The following FAM20B variants were observed in gnomAD, a reference collection of about 807,000 sequenced individuals.
The protein encoded by FAM20B is FAM20B glycosaminoglycan xylosylkinase.
A neutral mutation model predicts 43.8 loss-of-function variants in FAM20B; 23 were observed. The observed-to-expected ratio is 0.53, with a 90% CI of 0.38 to 0.74. The LOEUF (loss-of-function observed/expected upper bound fraction) is 0.74. Among genes scored for constraint, FAM20B ranks in the 30% least tolerant of loss-of-function variants. FAM20B has a pLI of 0.00. For missense variants in FAM20B, 440 were observed against 510.5 expected (o/e 0.86, Z 1.33); for synonymous variants, 178 against 192.4 (o/e 0.93, Z 0.62).
At chr1:179,040,189 C>A (rs550484140) in intron 1 of FAM20B, among the ~76,000 whole-genome samples, 33 of 152,366 alleles carry the variant, frequency 2.2e-4, no homozygotes, top group African/African-American at 7.9e-4. Flanking sequence ...ACCCTTCCCC[C>A]CTTTCTACTC....
intron 7 of FAM20B, among the ~76,000 whole-genome samples, chr1:179,070,098 T>C (rs960058495): frequency 1.4e-4 from 22 of 152,146 alleles, no homozygotes; most frequent in African/African-American, 5.3e-4. Flanking sequence ...CAGGCTGGAG[T>C]GCAGTGGCGC....
At chr1:179,038,782 G>A (rs554870576) in intron 1 of FAM20B, among the ~76,000 whole-genome samples, 1 of 152,348 alleles carries the variant, frequency 6.6e-6, no homozygotes, top group African/African-American at 2.4e-5. Flanking sequence ...TTACATTTTA[G>A]ATGCACTTGA....
chr1:179,036,600 C>T (rs1359547496), intron 1 of FAM20B, among the ~76,000 whole-genome samples: 2 of 152,024 alleles, frequency 1.3e-5, no homozygotes, highest in African/African-American at 4.8e-5. Flanking sequence ...TTGGAAAAGT[C>T]CAGTTTGCAC....
Position 179,071,986 on chromosome 1 carries a change from A to T in FAM20B, c.1072A>T (p.Met358Leu). Residue 358 changes from methionine to leucine, a missense_variant, in exon 8 of 8, where the codon ATG (methionine) becomes TTG (leucine). Coordinates refer to ENST00000263733, the MANE Select transcript of FAM20B (RefSeq NM_014864.4). ...GCTAAAGTCTGCCTTAAAATCTGCC[A>T]TGGCCCATGACCCCATCTCCCCAGT... ...GVLKSALKSA[M>L]AHDPISPVLS... The T allele has an allele frequency of 1.2e-6, 2 of 1,614,168 alleles. No individual in the cohort carries two copies.
intron 4 of FAM20B, among the ~76,000 whole-genome samples, chr1:179,061,717 A>G (rs1214420910): frequency 6.6e-6 from 1 of 152,084 alleles, no homozygotes; most frequent in Non-Finnish European, 1.5e-5. Flanking sequence ...TCATCAAATG[A>G]TGATTTTTTT....
upstream of FAM20B, among the ~76,000 whole-genome samples, chr1:179,024,417 T>A (rs1366245926): frequency 2.0e-5 from 3 of 152,212 alleles, no homozygotes; most frequent in Non-Finnish European, 4.4e-5. Flanking sequence ...AACTGTTGAT[T>A]TACCCTTTTG....
chr1:179,034,985 C>A (rs1650159008), intron 1 of FAM20B, among the ~76,000 whole-genome samples: 2 of 152,166 alleles, frequency 1.3e-5, no homozygotes, highest in Non-Finnish European at 2.9e-5. Context: ...GTATTTATTT[C>A]TTCTCTATGA....
At chr1:179,053,782 C>G (rs1408739003) in intron 3 of FAM20B, among the ~76,000 whole-genome samples, 1 of 152,094 alleles carries the variant, frequency 6.6e-6, no homozygotes, top group African/African-American at 2.4e-5. Context: ...AATATAATCT[C>G]GATTGTATGT....
rs1650946581 is a variant in FAM20B at position 179,050,208 on chromosome 1, C to T, written c.378-71C>T. 7.5e-6 allele frequency: 8 copies of T among 1,073,114 alleles called. No individual in the cohort carries two copies. In the Admixed American group the frequency reaches 1.4e-4, roughly 18 times the overall value. The allele number at this position is 1,073,114 out of a possible 1,614,324, so 66.5% of individuals were successfully genotyped here. A position where few individuals can be genotyped will look rare whatever the true frequency, so the allele number is the denominator to read the frequency against. ...AATCAGGCTTGCTAATGGGTGTATT[C>T]TACCACTTGTGCTGTCACCTGTTAC... is the stretch of plus-strand genomic sequence containing the variant. On this transcript the variant is annotated intron_variant, in intron 2 of 7. Transcript: ENST00000263733.
At chr1:179,050,122 C>A (rs367587689) in intron 2 of FAM20B, among the ~76,000 whole-genome samples, 157 bp from the exon 3 acceptor site, 3 of 152,332 alleles carry the variant, frequency 2.0e-5, no homozygotes, top group East Asian at 1.9e-4. Flanking sequence ...ATTCCATCTA[C>A]CGGCAATTCA....
At chr1:179,026,324 C>A (rs915090598) in intron 1 of FAM20B, among the ~76,000 whole-genome samples, 1 of 151,666 alleles carries the variant, frequency 6.6e-6, no homozygotes, top group African/African-American at 2.4e-5. Context: ...CCTGGGAGAC[C>A]CGCTCGGGCC....
chr1:179,067,267 C>T (rs115089168), intron 7 of FAM20B, among the ~76,000 whole-genome samples: 1 of 152,006 alleles, frequency 6.6e-6, no homozygotes, highest in Non-Finnish European at 1.5e-5. Context: ...TTACATATTT[C>T]AGTTTGAAAT....
intron 2 of FAM20B, among the ~76,000 whole-genome samples, chr1:179,049,247 C>G (rs762805333): frequency 3.3e-5 from 5 of 152,150 alleles, no homozygotes; most frequent in Non-Finnish European, 7.4e-5. Context: ...GAAATTACCT[C>G]CTAGTCCAGC....
the FAM20B span, among the ~76,000 whole-genome samples, chr1:179,019,545 C>T: frequency 6.6e-6 from 1 of 151,836 alleles, no homozygotes; most frequent in African/African-American, 2.4e-5. Context: ...TCACCGCAAC[C>T]TCTCACTCCT....
chr1:179,060,311 A>G (rs1218755929), intron 4 of FAM20B, among the ~76,000 whole-genome samples: 3 of 152,114 alleles, frequency 2.0e-5, no homozygotes, highest in Non-Finnish European at 2.9e-5. Flanking sequence ...TGTTGTTCCA[A>G]TATTTTGTTT....
chr1:179,063,708 ACTTTTGGGTGTATATC>A (rs1037991657), intron 4 of FAM20B, among the ~76,000 whole-genome samples: 1 of 152,222 alleles, frequency 6.6e-6, no homozygotes, highest in Non-Finnish European at 1.5e-5. Flanking sequence ...AGGGCAACTT[ACTTTTGGGTGTATATC>A]CTTTTGTACT....
At chr1:179,023,801 CAG>C (rs1051297318), upstream of FAM20B, among the ~76,000 whole-genome samples, 1 of 152,200 alleles carries the variant, frequency 6.6e-6, no homozygotes, top group African/African-American at 2.4e-5. Flanking sequence ...TCAGTGATCA[CAG>C]AGTCTGTGCT....
chr1:179,062,259 A>G lies in FAM20B; in HGVS notation c.575-1668A>G, dbSNP rs189121153. ...TTACTTCCTGGGTGTCATTGTTTCC[A>G]TGTTCTCTTGAAGGACAGAGGTGGG... is the stretch of plus-strand genomic sequence containing the variant. On this transcript the variant is annotated intron_variant, in intron 4 of 7. Coordinates refer to ENST00000263733, the MANE Select transcript of FAM20B (RefSeq NM_014864.4). Among the ~76,000 whole-genome samples the G allele has an allele frequency of 3.3e-5, 5 of 152,218 alleles. No homozygotes were observed. In the East Asian group the frequency reaches 9.6e-4, roughly 29 times the overall value.
At chr1:179,045,254 G>A (rs897725877) in intron 2 of FAM20B, among the ~76,000 whole-genome samples, 1 of 152,184 alleles carries the variant, frequency 6.6e-6, no homozygotes, top group Non-Finnish European at 1.5e-5. Flanking sequence ...TTAACATCAT[G>A]ATGGTGATTT....
Sources: allele counts gnomAD v4.1 joint callset (sites outside exome capture counted in the v4.1 genomes callset), GRCh38; gene constraint gnomAD v4.1.1; transcripts MANE v1.5; gene names NCBI Gene and HGNC (gene_info 2026-07-23, HGNC 2026-07-21).